Variants in EIF2B3 observed in about 807,000 individuals in gnomAD.
EIF2B3 encodes eukaryotic translation initiation factor 2B subunit gamma.
EIF2B3 carries 20 observed loss-of-function variants against 54.1 expected under a neutral mutation model. The ratio of observed to expected loss-of-function variants is 0.37; its 90% CI spans 0.26 to 0.54. The LOEUF is 0.54. EIF2B3 is among the 20% of genes least tolerant of loss of function. EIF2B3 has a pLI of 0.86. For missense variants in EIF2B3, 448 were observed against 547.8 expected (o/e 0.82, Z 1.82); for synonymous variants, 153 against 188.1 (o/e 0.81, Z 1.52).
rs570775147 is a variant in EIF2B3, at chr1:44,917,416, C to T, written c.566+9212G>A. On this transcript the variant is annotated intron_variant, in intron 5 of 11. Coordinates refer to ENST00000360403, the MANE Select transcript of EIF2B3 (RefSeq NM_020365.5). ...GCTGAGGCAGGAGAATATCTTGAAC[C>T]CGGGAGGCAGAGGTTGCGGTGAGCC... Among the ~76,000 whole-genome samples the T allele has an allele frequency of 2.4e-3, 356 of 151,280 alleles. 1 individual carries two copies. Among genetic ancestry groups the T allele is most frequent in the Non-Finnish European group, 3.8e-3 (256 of 67,842 alleles).
At chr1:44,952,576 A>G (rs1169024542) in intron 3 of EIF2B3, among the ~76,000 whole-genome samples, 4 of 144,370 alleles carry the variant, frequency 2.8e-5, no homozygotes, top group Non-Finnish European at 4.5e-5. Context: ...TTTTTTTGAG[A>G]CAGAGCCTCA....
At chr1:44,869,770 T>TGGCCAATTC (rs1254126228) in intron 10 of EIF2B3, among the ~76,000 whole-genome samples, 1 of 151,816 alleles carries the variant, frequency 6.6e-6, no homozygotes, top group African/African-American at 2.4e-5. Context: ...CTGGCTAATT[T>TGGCCAATTC]GGCCAATTCT....
chr1:44,870,569 G>C (rs1310509705), intron 10 of EIF2B3, among the ~76,000 whole-genome samples: 1 of 151,576 alleles, frequency 6.6e-6, no homozygotes. Flanking sequence ...CCAAGGTTTT[G>C]TTTGGTTTCT....
rs1364392969 is a variant in EIF2B3, at chr1:44,890,785, CCTT to C, written c.656+6567_656+6569del. ...AAAACTGTCAAACTAGATTTGTCTGCCTTCTTCTTTGGTTTCTCAGCTCCTTCT... is the reference window on the plus strand; with the variant it reads ...AAAACTGTCAAACTAGATTTGTCTGCCTTCTTTGGTTTCTCAGCTCCTTCT... On this transcript the variant is annotated intron_variant, in intron 6 of 11. Transcript: ENST00000360403. 3.9e-5 allele frequency among the ~76,000 whole-genome samples: 6 copies of C among 152,198 alleles called. No individual in the cohort carries two copies. The East Asian group carries it at 5.8e-4, about 15-fold the overall frequency.
At chr1:44,910,631 CTTTTTTTTTTT>C (rs60757270) in intron 5 of EIF2B3, among the ~76,000 whole-genome samples, 2 of 61,426 alleles carry the variant, frequency 3.3e-5, no homozygotes, top group East Asian at 1.6e-3. Flanking sequence ...CCAAGTAATG[CTTTTTTTTTTT>C]TTTTTTTTTT....
In EIF2B3 at chr1:44,973,902, T is replaced by C. The variant is rs182063780; in HGVS notation, c.294+4413A>G. Among the ~76,000 whole-genome samples, 6 of 152,234 alleles carry C rather than the reference T, an allele frequency of 3.9e-5. No individual in the cohort carries two copies. In the East Asian group the frequency reaches 1.2e-3, roughly 29 times the overall value. On this transcript the variant is annotated intron_variant, in intron 3 of 11. Coordinates refer to ENST00000360403, the MANE Select transcript of EIF2B3 (RefSeq NM_020365.5). ...GAGGGTGGTAATGGTTGCACAACAT[T>C]ATAAATGTGCTTAATACCACTGAAC...
intron 10 of EIF2B3, among the ~76,000 whole-genome samples, chr1:44,863,931 C>T (rs965212499): frequency 6.6e-5 from 10 of 152,106 alleles, no homozygotes; most frequent in African/African-American, 2.4e-4. Context: ...GTCACTCTTG[C>T]TCTTGGGTCC....
intron 4 of EIF2B3, among the ~76,000 whole-genome samples, chr1:44,936,924 A>C (rs954131386): frequency 1.3e-5 from 2 of 152,204 alleles, no homozygotes; most frequent in African/African-American, 4.8e-5. Flanking sequence ...ATTCAGGCTC[A>C]CTTTACAACA....
intron 5 of EIF2B3, among the ~76,000 whole-genome samples, chr1:44,904,865 A>G (rs1643384979): frequency 6.6e-6 from 1 of 152,290 alleles, no homozygotes; most frequent in Non-Finnish European, 1.5e-5. Context: ...CTCTCCCGCT[A>G]AAAGAATCAG....
At chr1:44,953,012 A>C (rs1298375609) in intron 3 of EIF2B3, among the ~76,000 whole-genome samples, 2 of 152,208 alleles carry the variant, frequency 1.3e-5, no homozygotes, top group Non-Finnish European at 2.9e-5. Context: ...TAGCAAAAAT[A>C]TAGTTGTTGA....
rs34363661 is a variant in EIF2B3, at chr1:44,937,883, C to CAA, written c.454+3621_454+3622dup. On this transcript the variant is annotated intron_variant, in intron 4 of 11. Transcript: ENST00000360403. ...TGGGCGACAGAGCGAGACTCCGTCTCAAAAAAAAAAAAAAAAAAAAAAAAA... is the reference window on the plus strand; with the variant it reads ...TGGGCGACAGAGCGAGACTCCGTCTCAAAAAAAAAAAAAAAAAAAAAAAAAAA... Among the ~76,000 whole-genome samples, 46 of 33,558 alleles carry CAA rather than the reference C, an allele frequency of 1.4e-3. 7 individuals carry two copies. The highest frequency in any genetic ancestry group is 1.9e-3 in the Non-Finnish European group (36 of 18,776). 22.0% of individuals were successfully genotyped at this position (33,558 alleles called of 152,430 possible). A position where few individuals can be genotyped will look rare whatever the true frequency, so the allele number is the denominator to read the frequency against.
At chr1:44,942,150 T>C (rs1285027204) in intron 3 of EIF2B3, among the ~76,000 whole-genome samples, 5 of 151,498 alleles carry the variant, frequency 3.3e-5, no homozygotes, top group Non-Finnish European at 4.4e-5. Flanking sequence ...ATAATTACAA[T>C]GTAACCTCAG....
At chr1:44,902,792 C>T (rs1643335172) in intron 5 of EIF2B3, among the ~76,000 whole-genome samples, 2 of 138,312 alleles carry the variant, frequency 1.4e-5, no homozygotes, top group African/African-American at 2.7e-5. Context: ...CGTGCTACTG[C>T]ACTCCAGCCT....
intron 8 of EIF2B3, among the ~76,000 whole-genome samples, chr1:44,878,607 C>T (rs1655276004): frequency 6.6e-6 from 1 of 151,530 alleles, no homozygotes. Flanking sequence ...TTCTGCGCTC[C>T]ACTGCCACCC....
chr1:44,943,013 G>T (rs549675783), intron 3 of EIF2B3, among the ~76,000 whole-genome samples: 1 of 151,210 alleles, frequency 6.6e-6, no homozygotes, highest in African/African-American at 2.4e-5. Flanking sequence ...CCGCCACCAC[G>T]CCCGGCTAAT....
chr1:44,877,221 A>AAAAC (rs1655222793), intron 8 of EIF2B3, among the ~76,000 whole-genome samples: 1 of 150,466 alleles, frequency 6.6e-6, no homozygotes, highest in South Asian at 2.1e-4. Flanking sequence ...AAAAAAAAAA[A>AAAAC]ACACCTTAGG....
intron 3 of EIF2B3, among the ~76,000 whole-genome samples, chr1:44,952,843 C>T (rs897504051): frequency 2.6e-5 from 4 of 152,120 alleles, no homozygotes; most frequent in East Asian, 1.9e-4. Flanking sequence ...TGAGCCACCA[C>T]GCCTGGCCGT....
At chr1:44,937,049 G>C (rs371918171) in intron 4 of EIF2B3, among the ~76,000 whole-genome samples, 1 of 152,184 alleles carries the variant, frequency 6.6e-6, no homozygotes, top group South Asian at 2.1e-4. Context: ...TCATGGTGCA[G>C]TGCTGGGTAT....
chr1:44,955,001 CTGTTTA>C (rs1299563650), intron 3 of EIF2B3, among the ~76,000 whole-genome samples: 1 of 152,150 alleles, frequency 6.6e-6, no homozygotes, highest in Non-Finnish European at 1.5e-5. Flanking sequence ...GTCATTGTTT[CTGTTTA>C]TGTGACAGAT....
Sources: allele counts gnomAD v4.1 joint callset (sites outside exome capture counted in the v4.1 genomes callset), GRCh38; gene constraint gnomAD v4.1.1; transcripts MANE v1.5; gene names NCBI Gene and HGNC (gene_info 2026-07-23, HGNC 2026-07-21).